SPIRE1: variants seen among roughly 807,000 people sequenced by gnomAD.
The protein encoded by SPIRE1 is spire type actin nucleation factor 1.
In SPIRE1, 40 loss-of-function variants were observed where a neutral mutation model predicts 94.1. That is an observed-to-expected ratio of 0.43 (90% CI 0.33 to 0.55). SPIRE1 has a LOEUF of 0.55. Ranked by LOEUF, SPIRE1 falls within the 20% of genes least tolerant of loss-of-function variation. SPIRE1 has a pLI of 0.06. For synonymous variants in SPIRE1, 376 were observed against 371.7 expected (o/e 1.01, Z -0.13); for missense variants, 838 against 975.2 (o/e 0.86, Z 1.87).
intron 10 of SPIRE1, among the ~76,000 whole-genome samples, chr18:12,479,161 T>A (rs1446000452): frequency 1.5e-5 from 1 of 65,202 alleles, no homozygotes; most frequent in Non-Finnish European, 2.6e-5. Flanking sequence ...ATATATGTAT[T>A]TTTTTTTTCT....
intron 2 of SPIRE1, among the ~76,000 whole-genome samples, chr18:12,592,331 A>G (rs560159991): frequency 6.6e-6 from 1 of 152,346 alleles, no homozygotes; most frequent in Non-Finnish European, 1.5e-5. Flanking sequence ...AATATCTGTT[A>G]AACTAATGTA....
At chr18:12,611,954 G>A (rs556452926) in intron 2 of SPIRE1, among the ~76,000 whole-genome samples, 46 of 152,142 alleles carry the variant, frequency 3.0e-4, no homozygotes, top group East Asian at 5.8e-4. Flanking sequence ...GATTACAGGC[G>A]TGAGCCACTG....
At chr18:12,547,430 C>A (rs2035205578) in intron 2 of SPIRE1, among the ~76,000 whole-genome samples, 1 of 152,140 alleles carries the variant, frequency 6.6e-6, no homozygotes, top group African/African-American at 2.4e-5. Flanking sequence ...CTACCACACA[C>A]CTCCATCAAT....
At chr18:12,500,997 T>C (rs887535400) in intron 6 of SPIRE1, among the ~76,000 whole-genome samples, 2 of 137,828 alleles carry the variant, frequency 1.5e-5, no homozygotes, top group African/African-American at 5.6e-5. Flanking sequence ...GCTTGAACCC[T>C]GGAGGCGGAG....
intron 2 of SPIRE1, among the ~76,000 whole-genome samples, chr18:12,619,874 T>TA (rs2037417995): frequency 7.8e-6 from 1 of 127,662 alleles, no homozygotes; most frequent in African/African-American, 2.8e-5. Context: ...AGCAAGAAAA[T>TA]AAAAAGGCAT....
chr18:12,486,022 A>G, intron 8 of SPIRE1, 22 bp from the exon 9 acceptor site: 1 of 1,514,938 alleles, frequency 6.6e-7, no homozygotes, highest in Non-Finnish European at 8.8e-7. Context: ...AAAACAAACA[A>G]TAAAAAGAAA....
At chr18:12,606,330 T>C (rs2036975231) in intron 2 of SPIRE1, among the ~76,000 whole-genome samples, 1 of 150,034 alleles carries the variant, frequency 6.7e-6, no homozygotes, top group South Asian at 2.2e-4. Context: ...GTTCTCTCTT[T>C]GTACAAAGAA....
chr18:12,540,483 C>T (rs1051907054), intron 3 of SPIRE1, among the ~76,000 whole-genome samples: 1 of 152,154 alleles, frequency 6.6e-6, no homozygotes, highest in East Asian at 1.9e-4. Context: ...TCAAGCGATT[C>T]TCCTGCCTCA....
intron 2 of SPIRE1, among the ~76,000 whole-genome samples, chr18:12,623,298 C>T (rs1199919823): frequency 6.6e-5 from 10 of 151,906 alleles, no homozygotes; most frequent in African/African-American, 2.2e-4. Flanking sequence ...GGACTACAGG[C>T]GCCCGCCACC....
intron 8 of SPIRE1, among the ~76,000 whole-genome samples, chr18:12,487,141 C>A (rs1433028789): frequency 1.3e-5 from 2 of 152,172 alleles, no homozygotes. Flanking sequence ...GCATAAGCCA[C>A]CATGCCCGGC....
intron 10 of SPIRE1, among the ~76,000 whole-genome samples, chr18:12,466,706 T>G (rs2032118789): frequency 6.6e-6 from 1 of 152,172 alleles, no homozygotes; most frequent in South Asian, 2.1e-4. Context: ...TTTAAAAAAT[T>G]TTTGTTTTAT....
intron 1 of SPIRE1, among the ~76,000 whole-genome samples, chr18:12,647,533 TTG>T (rs2038259007): frequency 6.6e-6 from 1 of 152,026 alleles, no homozygotes; most frequent in Non-Finnish European, 1.5e-5. Flanking sequence ...GGAAGATCAC[TTG>T]AATGGGGTTC....
chr18:12,451,051 T>C (rs776109992), intron 16 of SPIRE1: 54 of 458,674 alleles, frequency 1.2e-4, no homozygotes, highest in Non-Finnish European at 1.7e-4. Flanking sequence ...AGGAGGAGGA[T>C]GAATAAGAGA....
chr18:12,532,320 G>A (rs1025522641), intron 4 of SPIRE1, among the ~76,000 whole-genome samples: 1 of 152,054 alleles, frequency 6.6e-6, no homozygotes, highest in African/African-American at 2.4e-5. Flanking sequence ...GAAAACAGAT[G>A]GTAGATTTTA....
At chr18:12,625,092 G>A (rs373217109) in intron 2 of SPIRE1, among the ~76,000 whole-genome samples, 1 of 152,076 alleles carries the variant, frequency 6.6e-6, no homozygotes, top group East Asian at 1.9e-4. Context: ...TTTCAAATAT[G>A]CCAAGTGACT....
chr18:12,477,076 G>A (rs143137149), intron 10 of SPIRE1, among the ~76,000 whole-genome samples: 51 of 152,198 alleles, frequency 3.4e-4, no homozygotes, highest in Middle Eastern at 3.4e-3. Flanking sequence ...TGGATTTGGG[G>A]CATTACCACT....
rs530640363 is a variant in SPIRE1, at chr18:12,550,541, CT to C, written c.373-3638del. 1.3e-3 allele frequency among the ~76,000 whole-genome samples: 197 copies of C among 152,140 alleles called. 2 individuals carry two copies. The highest frequency in any genetic ancestry group is 2.4e-3 in the Non-Finnish European group (161 of 67,994). ...GACACCTGGCTAATTTTTAAATTTTCTGCAGAGATGAGGTCTTGCTATGTTG... is the reference window on the plus strand; with the variant it reads ...GACACCTGGCTAATTTTTAAATTTTCGCAGAGATGAGGTCTTGCTATGTTG... On this transcript the variant is annotated intron_variant, in intron 2 of 16. Coordinates refer to ENST00000409402, the MANE Select transcript of SPIRE1 (RefSeq NM_001128626.2).
intron 6 of SPIRE1, among the ~76,000 whole-genome samples, chr18:12,506,007 C>T (rs556542595): frequency 6.6e-6 from 1 of 151,876 alleles, no homozygotes; most frequent in East Asian, 1.9e-4. Context: ...ATGTTTGTAA[C>T]TTTCCTTCTT....
chr18:12,488,188 T>C (rs2033104634), intron 8 of SPIRE1, among the ~76,000 whole-genome samples: 1 of 152,252 alleles, frequency 6.6e-6, no homozygotes, highest in Non-Finnish European at 1.5e-5. Flanking sequence ...TCTTCTGTTC[T>C]TTTAAATCCT....
Sources: allele counts gnomAD v4.1 joint callset (sites outside exome capture counted in the v4.1 genomes callset), GRCh38; gene constraint gnomAD v4.1.1; transcripts MANE v1.5; gene names NCBI Gene and HGNC (gene_info 2026-07-23, HGNC 2026-07-21).